Variants in TTBK1 observed in about 807,000 individuals in gnomAD.
TTBK1 encodes the protein tau tubulin kinase 1.
A neutral mutation model predicts 108.5 loss-of-function variants in TTBK1; 34 were observed. The observed-to-expected ratio is 0.31, with a 90% confidence interval of 0.24 to 0.42. The LOEUF (loss-of-function observed/expected upper bound fraction) is 0.42. TTBK1 is among the 10% of genes least tolerant of loss of function. TTBK1 has a pLI of 1.00. For synonymous variants in TTBK1, 809 were observed against 795.1 expected (o/e 1.02, Z -0.29); for missense variants, 1,539 against 1,826.0 (o/e 0.84, Z 2.86).
At chr6:43,275,977 T>C (rs1206240336) in intron 13 of TTBK1, among the ~76,000 whole-genome samples, 8 of 151,980 alleles carry the variant, frequency 5.3e-5, no homozygotes, top group African/African-American at 1.9e-4. Context: ...GAAGCGGGAC[T>C]GGTAGGAGAG....
At position 43,269,407 on chromosome 6, in the gene TTBK1, G is replaced by T. The variant is rs1000879952; in HGVS notation, c.1986+6057G>T. Among the ~76,000 whole-genome samples, 1 of 152,230 alleles carries T rather than the reference G, an allele frequency of 6.6e-6. No homozygotes were observed. Among genetic ancestry groups the T allele is most frequent in the African/African-American group, 2.4e-5 (1 of 41,454 alleles). On this transcript the variant is annotated intron_variant, in intron 13 of 14. Coordinates refer to ENST00000259750, the MANE Select transcript of TTBK1 (RefSeq NM_032538.3). The surrounding 1 kb of genome is among the most constrained non-coding windows in gnomAD (Gnocchi z 4.8). ...CCATGGTCTCCTTGCAGAGACCATA[G>T]TGTGAGAAGTTCCAGAGAGAAGGAG...
Position 43,259,400 on chromosome 6 carries a change from C to G in TTBK1, c.1248+131C>G. ...CTGCCTGCTTGCCCTGCCTCTGTTT[C>G]CCGGTCCCTCCCCGCACTAGCCTCG... On this transcript the variant is annotated intron_variant, in intron 11 of 14. Coordinates refer to ENST00000259750, the MANE Select transcript of TTBK1 (RefSeq NM_032538.3). This position sits in a 1 kb window ranked among gnomAD's most constrained non-coding sequence, Gnocchi z 6.7. The G allele has an allele frequency of 7.8e-7, 1 of 1,289,040 alleles. No homozygotes were observed. Among genetic ancestry groups the G allele is most frequent in the Non-Finnish European group, 1.1e-6 (1 of 946,378 alleles). The allele number at this position is 1,289,040 out of a possible 1,614,324, so 79.9% of individuals were successfully genotyped here. A position where few individuals can be genotyped will look rare whatever the true frequency, so the allele number is the denominator to read the frequency against.
chr6:43,249,807 C>G (rs1443980860), intron 2 of TTBK1, among the ~76,000 whole-genome samples: 1 of 152,134 alleles, frequency 6.6e-6, no homozygotes, highest in African/African-American at 2.4e-5. Context: ...AAACTCCCGA[C>G]CTCAAGTCAT....
chr6:43,283,463 C>T lies in TTBK1; in HGVS notation c.2723C>T (p.Thr908Ile). 6.2e-7 allele frequency: 1 copy of T among 1,614,050 alleles called. No individual in the cohort carries two copies. Among genetic ancestry groups the T allele is most frequent in the Admixed American group, 1.7e-5 (1 of 60,032 alleles). ...PGPGAGLGAG[T>I]VTTGVGGVAV... The stretch of plus-strand genomic sequence containing the variant: ...CCTGGGGCAGGGCTGGGGGCCGGGA[C>T]AGTGACCACAGGGGTCGGGGGCGTG... The change falls in exon 14 of 15, where the codon ACA becomes ATA. Residue 908 changes from threonine to isoleucine, a missense_variant. Transcript: ENST00000259750. The surrounding 1 kb of genome is among the most constrained non-coding windows in gnomAD (Gnocchi z 8.1).
chr6:43,272,805 A>G (rs2150705288), intron 13 of TTBK1, among the ~76,000 whole-genome samples: 1 of 152,182 alleles, frequency 6.6e-6, no homozygotes, highest in Non-Finnish European at 1.5e-5. Context: ...AGCCTGCAAT[A>G]TTGTCACTCT....
At position 43,269,862 on chromosome 6, in the gene TTBK1, G is replaced by A. The variant is rs1321915981; in HGVS notation, c.1986+6512G>A. 4 of 1,533,662 alleles carry A rather than the reference G, an allele frequency of 2.6e-6. No homozygotes were observed. The South Asian group carries it at 4.8e-5, about 18-fold the overall frequency. On this transcript the variant is annotated intron_variant, in intron 13 of 14. Coordinates refer to ENST00000259750, the MANE Select transcript of TTBK1 (RefSeq NM_032538.3). This position sits in a 1 kb window ranked among gnomAD's most constrained non-coding sequence, Gnocchi z 4.8. Reference sequence around the variant, plus strand: ...CCACCGGCGCCACGCGCCCCTCGCTGCTGGCAACCACAGACTCATGCCCTC... The same window carrying A: ...CCACCGGCGCCACGCGCCCCTCGCTACTGGCAACCACAGACTCATGCCCTC...
intron 3 of TTBK1, 53 bp downstream of exon 3, chr6:43,252,939 TAA>T: frequency 6.3e-7 from 1 of 1,596,398 alleles, no homozygotes; most frequent in Non-Finnish European, 8.5e-7. Context: ...AGCCAGGGGC[TAA>T]GAGAGGTGAT....
Position 43,269,758 on chromosome 6 carries a change from G to C in TTBK1, c.1986+6408G>C. 1 of 1,599,686 alleles carries C rather than the reference G, an allele frequency of 6.3e-7. No individual in the cohort carries two copies. The highest frequency in any genetic ancestry group is 8.5e-7 in the Non-Finnish European group (1 of 1,176,696). On this transcript the variant is annotated intron_variant, in intron 13 of 14. Coordinates refer to ENST00000259750, the MANE Select transcript of TTBK1 (RefSeq NM_032538.3). This position sits in a 1 kb window ranked among gnomAD's most constrained non-coding sequence, Gnocchi z 4.8. ...GAGACGGAGCATTACCCTCACCCCG[G>C]CGGCGGCGGCTCCTCGGGCTCCTCC...
chr6:43,250,319 T>C (rs111865435), intron 2 of TTBK1, among the ~76,000 whole-genome samples: 457 of 151,050 alleles, frequency 3.0e-3, no homozygotes, highest in African/African-American at 0.01. Flanking sequence ...TTTGATTGCC[T>C]GGGTTTAAAT....
In TTBK1 at chr6:43,246,686, A is replaced by C. The variant is rs1392930534; in HGVS notation, c.26A>C (p.Lys9Thr). MQCLAAAL[K>T]DETNMSGGGE... ...ATGCAGTGCCTAGCGGCCGCCCTTA[A>C]GGACGAAACCAACATGAGTGGGGGA... The change falls in exon 2 of 15, where the codon AAG (lysine) becomes ACG (threonine). Residue 9 changes from lysine (K) to threonine (T), a missense_variant. Coordinates refer to ENST00000259750, the MANE Select transcript of TTBK1 (RefSeq NM_032538.3). 6.2e-7 allele frequency: 1 copy of C among 1,611,206 alleles called. No homozygotes were observed. The highest frequency in any genetic ancestry group is 1.3e-5 in the African/African-American group (1 of 74,936).
chr6:43,272,683 G>A (rs1001189258), intron 13 of TTBK1: 2 of 985,212 alleles, frequency 2.0e-6, no homozygotes, highest in Admixed American at 1.2e-4. Flanking sequence ...AGATTGTTAA[G>A]GTCATCTAAG....
At position 43,286,949 on chromosome 6, in the gene TTBK1, C is replaced by CCCCAG. The variant is rs1165240281; in HGVS notation, c.*1575_*1579dup. Reference sequence around the variant, plus strand: ...AAAGAGGAAGAAAGGCCTTAGTGTGCCCCAGCAGTCTGGCTGCGTCCAGCC... The same window carrying CCCCAG: ...AAAGAGGAAGAAAGGCCTTAGTGTGCCCCAGCCCAGCAGTCTGGCTGCGTCCAGCC... On this transcript the variant is annotated 3_prime_UTR_variant, in exon 15 of 15. Coordinates refer to ENST00000259750, the MANE Select transcript of TTBK1 (RefSeq NM_032538.3). This position sits in a 1 kb window ranked among gnomAD's most constrained non-coding sequence, Gnocchi z 4.6. The CCCCAG allele has an allele frequency of 6.6e-6, 1 of 152,656 alleles. No homozygotes were observed. The highest frequency in any genetic ancestry group is 1.9e-4 in the East Asian group (1 of 5,200). The allele number at this position is 152,656 out of a possible 1,614,324, so 9.5% of individuals were successfully genotyped here.
Position 43,263,489 on chromosome 6 carries a change from T to A in TTBK1, c.1986+139T>A. ...GGGCTGTGATGGAGGTAGACAGGCT[T>A]AAGGGTCTGAAACCATGTTTGAGGG... On this transcript the variant is annotated intron_variant, in intron 13 of 14. Coordinates refer to ENST00000259750, the MANE Select transcript of TTBK1 (RefSeq NM_032538.3). The surrounding 1 kb of genome is among the most constrained non-coding windows in gnomAD (Gnocchi z 4.7). 2.3e-6 allele frequency: 2 copies of A among 864,206 alleles called. No homozygotes were observed. The highest frequency in any genetic ancestry group is 3.3e-6 in the Non-Finnish European group (2 of 615,046). 53.5% of individuals were successfully genotyped at this position (864,206 alleles called of 1,614,324 possible).
In TTBK1 at chr6:43,285,650, G is replaced by A. The variant is rs886451178; in HGVS notation, c.*274G>A. On this transcript the variant is annotated 3_prime_UTR_variant, in exon 15 of 15. Coordinates refer to ENST00000259750, the MANE Select transcript of TTBK1 (RefSeq NM_032538.3). This position sits in a 1 kb window ranked among gnomAD's most constrained non-coding sequence, Gnocchi z 4.7. Reference sequence around the variant, plus strand: ...TCATCCTCCCGCCGCCCGTCAGGCCGGCCAGCCTCACATCAGTCTCTCCGC... The same window carrying A: ...TCATCCTCCCGCCGCCCGTCAGGCCAGCCAGCCTCACATCAGTCTCTCCGC... 2 of 294,044 alleles carry A rather than the reference G, an allele frequency of 6.8e-6. No homozygotes were observed. Among genetic ancestry groups the A allele is most frequent in the African/African-American group, 2.2e-5 (1 of 45,382 alleles). The allele number at this position is 294,044 out of a possible 1,614,324, so 18.2% of individuals were successfully genotyped here. A position where few individuals can be genotyped will look rare whatever the true frequency, so the allele number is the denominator to read the frequency against.
Position 43,253,551 on chromosome 6 carries a change from C to T in TTBK1, c.331-17C>T. The T allele has an allele frequency of 6.3e-7, 1 of 1,598,410 alleles. No individual in the cohort carries two copies. The highest frequency in any genetic ancestry group is 8.5e-7 in the Non-Finnish European group (1 of 1,172,178). On this transcript the variant is annotated splice_polypyrimidine_tract_variant and intron_variant, in intron 4 of 14. Transcript: ENST00000259750. The surrounding 1 kb of genome is among the most constrained non-coding windows in gnomAD (Gnocchi z 5.8). ...TGGCTGAGGGTGAGTCTACCCCCCA[C>T]CTCCACCCCCATGCAGGGCCGGAAC...
At chr6:43,277,259 T>G (rs1778026003) in intron 13 of TTBK1, among the ~76,000 whole-genome samples, 1 of 151,758 alleles carries the variant, frequency 6.6e-6, no homozygotes, top group South Asian at 2.1e-4. Flanking sequence ...CACTGGAGCA[T>G]GGACTGTGAG....
intron 13 of TTBK1, among the ~76,000 whole-genome samples, chr6:43,267,318 C>T (rs1433935961): frequency 1.3e-5 from 2 of 152,146 alleles, no homozygotes; most frequent in Non-Finnish European, 2.9e-5. Context: ...GGCAGGACCT[C>T]CCAAATCTGG....
intron 13 of TTBK1, among the ~76,000 whole-genome samples, chr6:43,272,799 T>C (rs1057381663): frequency 5.3e-5 from 8 of 152,186 alleles, no homozygotes; most frequent in Admixed American, 5.2e-4. Context: ...GCTGTGAGCC[T>C]GCAATATTGT....
At chr6:43,258,027 C>T (rs745988586) in intron 10 of TTBK1, 61 bp downstream of exon 10, 206 of 1,555,850 alleles carry the variant, frequency 1.3e-4, no homozygotes, top group Middle Eastern at 5.5e-4. Context: ...AGAGGGCAGG[C>T]GGTCCTCTCC....
Sources: gnomAD v4.1 joint callset for allele counts (sites outside exome capture counted in the v4.1 genomes callset) on GRCh38, gnomAD v4.1.1 for gene constraint, Gnocchi (gnomAD v3.1) non-coding constraint, MANE v1.5 for transcripts, NCBI Gene and HGNC (gene_info 2026-07-23, HGNC 2026-07-21) for gene names.